Variants in ASGR2 observed in about 807,000 individuals in gnomAD.
The protein encoded by ASGR2 is C-type lectin domain family 4 member H2.
Under a neutral mutation model 32.3 loss-of-function variants are expected in ASGR2, and 34 were observed. The ratio of observed to expected loss-of-function variants is 1.05; its 90% CI spans 0.80 to 1.40. The LOEUF (loss-of-function observed/expected upper bound fraction) is 1.40, where lower values mean the gene tolerates loss of function less well. ASGR2 is among the 40% of genes most tolerant of loss of function. ASGR2 has a pLI of 0.00. For missense variants in ASGR2, 385 were observed against 386.4 expected, an observed-to-expected ratio of 1.00 and a Z score of 0.03; for synonymous variants, 143 against 150.0, an observed-to-expected ratio of 0.95 and a Z score of 0.34.
intron 7 of ASGR2, 41 bp from the exon 8 acceptor site, chr17:7,102,237 C>A: frequency 6.6e-7 from 1 of 1,523,026 alleles, no homozygotes; most frequent in Non-Finnish European, 9.1e-7. Context: ...GTCTCTTGTG[C>A]CTTTCTCCTC....
chr17:7,101,699 T>TCGTGCC lies in ASGR2; in HGVS notation c.791_796dup (p.Gly264_His265dup). 4 of 1,614,152 alleles carry TCGTGCC rather than the reference T, an allele frequency of 2.5e-6. No homozygotes were observed. Among genetic ancestry groups the TCGTGCC allele is most frequent in the Non-Finnish European group, 3.4e-6 (4 of 1,180,048 alleles). Reference sequence around the variant, plus strand: ...AACACAGTCTTCACTTCCACCCAGCTCGTGCCCGTGCCAATTATCTGGCTG... The same window carrying TCGTGCC: ...AACACAGTCTTCACTTCCACCCAGCTCGTGCCCGTGCCCGTGCCAATTATCTGGCTG... On this transcript the variant is annotated inframe_insertion, in exon 9 of 9. Transcript: ENST00000691900.
chr17:7,101,504 C>T lies in ASGR2; in HGVS notation c.*71G>A, dbSNP rs1039360408. ...CCCTGTCTCAGTGTTTCTTCCTTTC[C>T]TCAAAATCCTCAACAGAGAAGCCAG... On this transcript the variant is annotated 3_prime_UTR_variant, in exon 9 of 9. Transcript: ENST00000691900. 3 of 1,556,446 alleles carry T rather than the reference C, an allele frequency of 1.9e-6. No homozygotes were observed. Among genetic ancestry groups the T allele is most frequent in the African/African-American group, 2.7e-5 (2 of 73,480 alleles).
chr17:7,102,267 C>G (rs1415444948), intron 7 of ASGR2, 71 bp from the exon 8 acceptor site: 2 of 1,291,396 alleles, frequency 1.5e-6, no homozygotes. Flanking sequence ...AGGCATGGAA[C>G]TGTGGCCCCT....
rs547833375 is a variant in ASGR2, at chr17:7,107,074, C to A, written c.574G>T (p.Ala192Ser). The A allele has an allele frequency of 2.0e-5, 33 of 1,614,222 alleles. No homozygotes were observed. In the South Asian group the frequency reaches 3.4e-4, roughly 17 times the overall value. Residue 192 changes from alanine (A) to serine (S), a missense_variant, in exon 7 of 9, where the codon GCC (alanine) becomes TCC (serine). Coordinates refer to ENST00000691900, the MANE Select transcript of ASGR2 (RefSeq NM_001201352.2). This position sits in a 1 kb window ranked among gnomAD's most constrained non-coding sequence, Gnocchi z 5.0. ...CAGTACTTCTCCGCCTCAGCCCAGG[C>A]CTTCCCGGAGTGAGAGAACCAGTAG... ...SCYWFSHSGK[A>S]WAEAEKYCQL... is the part of the protein sequence containing the mutation.
At chr17:7,109,735 C>T (rs1001899892) in intron 2 of ASGR2, among the ~76,000 whole-genome samples, 1 of 152,018 alleles carries the variant, frequency 6.6e-6, no homozygotes, top group African/African-American at 2.4e-5. Flanking sequence ...CTCAAAAACA[C>T]ACATTTGCAC....
Position 7,109,855 on chromosome 17 carries a change from A to G in ASGR2, c.125-967T>C, listed in dbSNP as rs548919952. ...ACACACCTGACACACCCACACACGT[A>G]CACTCACACACCCACGTCTTCCTGC... On this transcript the variant is annotated intron_variant, in intron 2 of 8. Transcript: ENST00000691900. 2.0e-5 allele frequency among the ~76,000 whole-genome samples: 3 copies of G among 152,162 alleles called. No homozygotes were observed. In the South Asian group the frequency reaches 6.2e-4, roughly 32 times the overall value.
intron 2 of ASGR2, among the ~76,000 whole-genome samples, chr17:7,112,302 T>A (rs1292878523): frequency 6.6e-6 from 1 of 151,446 alleles, no homozygotes; most frequent in African/African-American, 2.4e-5. Context: ...GAGCAGCTGA[T>A]CAGTGTCAGC....
chr17:7,106,655 C>G (rs62058753), intron 7 of ASGR2, among the ~76,000 whole-genome samples: 53,639 of 151,670 alleles, frequency 0.35, 9,857 homozygotes, highest in South Asian at 0.42. Context: ...TGTAATCCCA[C>G]CACTTTGGGA....
rs1567773348 is a variant in ASGR2, at chr17:7,113,385, T to C, written c.124+732A>G. 1.4e-5 allele frequency among the ~76,000 whole-genome samples: 2 copies of C among 144,352 alleles called. No individual in the cohort carries two copies. Among genetic ancestry groups the C allele is most frequent in the Non-Finnish European group, 1.5e-5 (1 of 66,256 alleles). 94.7% of individuals were successfully genotyped at this position (144,352 alleles called of 152,430 possible). A position where few individuals can be genotyped will look rare whatever the true frequency, so the allele number is the denominator to read the frequency against. On this transcript the variant is annotated intron_variant, in intron 2 of 8. Transcript: ENST00000691900. This position sits in a 1 kb window ranked among gnomAD's most constrained non-coding sequence, Gnocchi z 5.1. ...CAACATACATAACACACTCACAACA[T>C]ACACACACAACACACACACTCGCAC...
At position 7,108,679 on chromosome 17, in the gene ASGR2, C is replaced by G; in HGVS notation, c.241+93G>C. 1 of 1,607,254 alleles carries G rather than the reference C, an allele frequency of 6.2e-7. No homozygotes were observed. The highest frequency in any genetic ancestry group is 1.7e-4 in the Middle Eastern group (1 of 5,866). On this transcript the variant is annotated intron_variant, in intron 3 of 8. Transcript: ENST00000691900. The surrounding 1 kb of genome is among the most constrained non-coding windows in gnomAD (Gnocchi z 4.9). ...GCTTGTGCTCCACCCCGCCTCCATC[C>G]CTTCCCCTCCCATCGCCCCGATCGC...
rs1452362134 is a variant in ASGR2, at chr17:7,113,537, CAT to C, written c.124+578_124+579del. Among the ~76,000 whole-genome samples the C allele has an allele frequency of 3.8e-5, 4 of 105,064 alleles. No homozygotes were observed. Among genetic ancestry groups the C allele is most frequent in the Admixed American group, 2.1e-4 (2 of 9,636 alleles). The allele number at this position is 105,064 out of a possible 152,430, so 68.9% of individuals were successfully genotyped here. On this transcript the variant is annotated intron_variant, in intron 2 of 8. Coordinates refer to ENST00000691900, the MANE Select transcript of ASGR2 (RefSeq NM_001201352.2). The surrounding 1 kb of genome is among the most constrained non-coding windows in gnomAD (Gnocchi z 5.1). ...TACACACACACAACATACACACACTCATACACAACATACATACACACAACATA... is the reference window on the plus strand; with the variant it reads ...TACACACACACAACATACACACACTCACACAACATACATACACACAACATA...
chr17:7,111,800 G>C lies in ASGR2; in HGVS notation c.124+2317C>G, dbSNP rs1914696246. Among the ~76,000 whole-genome samples, 6 of 151,146 alleles carry C rather than the reference G, an allele frequency of 4.0e-5. No individual in the cohort carries two copies. The South Asian group carries it at 1.3e-3, about 32-fold the overall frequency. The stretch of plus-strand genomic sequence containing the variant: ...GCACTTTGGGAGGTCGACACGGGGG[G>C]AATCACTTGAGCCCAGGAGCTCAAG... On this transcript the variant is annotated intron_variant, in intron 2 of 8. Coordinates refer to ENST00000691900, the MANE Select transcript of ASGR2 (RefSeq NM_001201352.2).
At chr17:7,106,784 A>C (rs1322564402) in intron 7 of ASGR2, among the ~76,000 whole-genome samples, 2 of 152,020 alleles carry the variant, frequency 1.3e-5, no homozygotes, top group Non-Finnish European at 2.9e-5. Flanking sequence ...CGTGCCTGTA[A>C]TCCCAGCACT....
Position 7,107,220 on chromosome 17 carries a change from C to T in ASGR2, c.496+11G>A. On this transcript the variant is annotated intron_variant, in intron 6 of 8. Transcript: ENST00000691900. The surrounding 1 kb of genome is among the most constrained non-coding windows in gnomAD (Gnocchi z 5.0). ...CAGGCACACTGGGCCTGGAGACGGCCCCACCCCTACCGTTGCTGTGGAGGA... is the reference window on the plus strand; with the variant it reads ...CAGGCACACTGGGCCTGGAGACGGCTCCACCCCTACCGTTGCTGTGGAGGA... The T allele has an allele frequency of 6.2e-7, 1 of 1,614,142 alleles. No individual in the cohort carries two copies.
chr17:7,114,333 C>T lies in ASGR2; in HGVS notation c.-70-23G>A, dbSNP rs1188753449. On this transcript the variant is annotated intron_variant, in intron 1 of 8. Transcript: ENST00000691900. The surrounding 1 kb of genome is among the most constrained non-coding windows in gnomAD (Gnocchi z 4.5). Reference sequence around the variant, plus strand: ...GGGCTGGGGCAGAGGTGCAGATTCACGTGGAGGTTGATGGTGGGATGGAAC... The same window carrying T: ...GGGCTGGGGCAGAGGTGCAGATTCATGTGGAGGTTGATGGTGGGATGGAAC... 4.2e-5 allele frequency: 53 copies of T among 1,257,152 alleles called. No homozygotes were observed. The highest frequency in any genetic ancestry group is 1.1e-4 in the East Asian group (2 of 18,988). The allele number at this position is 1,257,152 out of a possible 1,614,324, so 77.9% of individuals were successfully genotyped here.
chr17:7,101,758 A>T lies in ASGR2; in HGVS notation c.756-18T>A. ...CCCAGTTCCTAAGGAGGCAAGAGAA[A>T]ACTCGGACTCTGCCACGGTGGTGAG... On this transcript the variant is annotated intron_variant, in intron 8 of 8. Transcript: ENST00000691900. The T allele has an allele frequency of 6.2e-7, 1 of 1,610,594 alleles. No individual in the cohort carries two copies. Among genetic ancestry groups the T allele is most frequent in the Non-Finnish European group, 8.5e-7 (1 of 1,178,120 alleles).
rs975051822 is a variant in ASGR2, at chr17:7,110,349, G to A, written c.125-1461C>T. Among the ~76,000 whole-genome samples, 9 of 148,126 alleles carry A rather than the reference G, an allele frequency of 6.1e-5. No homozygotes were observed. The South Asian group carries it at 6.5e-4, about 11-fold the overall frequency. ...TTTGCATTCCTCTCCATCCAGAAGC[G>A]CTCCATGACCACGGTGTTCCCCACC... On this transcript the variant is annotated intron_variant, in intron 2 of 8. Transcript: ENST00000691900.
At chr17:7,104,007 A>C (rs1336781400) in intron 7 of ASGR2, among the ~76,000 whole-genome samples, 1 of 151,988 alleles carries the variant, frequency 6.6e-6, no homozygotes, top group Non-Finnish European at 1.5e-5. Context: ...GATATAAAAA[A>C]AAAAGAGAAC....
intron 8 of ASGR2, 57 bp downstream of exon 8, chr17:7,102,033 G>A: frequency 6.5e-7 from 1 of 1,539,330 alleles, no homozygotes; most frequent in Non-Finnish European, 9.0e-7. Context: ...GGAGTGAAAG[G>A]CCAGGGGGCT....
Sources: allele counts gnomAD v4.1 joint callset (sites outside exome capture counted in the v4.1 genomes callset), GRCh38; gene constraint gnomAD v4.1.1; non-coding constraint Gnocchi (gnomAD v3.1); transcripts MANE v1.5; gene names NCBI Gene and HGNC (gene_info 2026-07-23, HGNC 2026-07-21).